The following SPATA6 variants were observed in gnomAD, a reference collection of about 807,000 sequenced individuals.
The protein encoded by SPATA6 is spermatogenesis associated 6.
A neutral mutation model predicts 65.3 loss-of-function variants in SPATA6; 56 were observed. The observed-to-expected ratio is 0.86, with a 90% CI of 0.69 to 1.07. The LOEUF is 1.07. Among genes scored for constraint, SPATA6 ranks in the 50% least tolerant of loss-of-function variants. The pLI is 0.00. For missense variants in SPATA6, 590 were observed against 594.8 expected (o/e 0.99, Z 0.08); for synonymous variants, 199 against 213.2 (o/e 0.93, Z 0.58).
At chr1:48,428,806 T>TGG (rs1654097434) in intron 3 of SPATA6, among the ~76,000 whole-genome samples, 1 of 117,656 alleles carries the variant, frequency 8.5e-6, no homozygotes, top group Non-Finnish European at 1.9e-5. Flanking sequence ...TGTGTGTGTG[T>TGG]GTGTATATGT....
intron 6 of SPATA6, chr1:48,400,895 C>T: frequency 8.7e-7 from 1 of 1,148,732 alleles, no homozygotes; most frequent in Non-Finnish European, 1.1e-6. Context: ...ATCCATTTCA[C>T]CCATCTCTGT....
In SPATA6 at chr1:48,338,760, G is replaced by A. The variant is rs532845905; in HGVS notation, c.1194+16910C>T. Among the ~76,000 whole-genome samples the A allele has an allele frequency of 2.2e-3, 329 of 152,092 alleles. 3 individuals are homozygous for A. The highest frequency in any genetic ancestry group is 3.5e-3 in the Non-Finnish European group (239 of 67,926). On this transcript the variant is annotated intron_variant, in intron 11 of 12. Coordinates refer to ENST00000371847, the MANE Select transcript of SPATA6 (RefSeq NM_019073.4). The stretch of plus-strand genomic sequence containing the variant: ...AAATTCTCAAGCTGTGCCAGGTTGG[G>A]GGTAAAATAAGCTAATCCAAAATCT...
intron 11 of SPATA6, among the ~76,000 whole-genome samples, chr1:48,306,478 T>C (rs1645065261): frequency 1.3e-5 from 2 of 151,970 alleles, no homozygotes; most frequent in Non-Finnish European, 2.9e-5. Flanking sequence ...ACATAAGAAA[T>C]AGTATTCTGA....
At chr1:48,304,206 G>A (rs2148649985) in intron 12 of SPATA6, among the ~76,000 whole-genome samples, 1 of 152,234 alleles carries the variant, frequency 6.6e-6, no homozygotes, top group South Asian at 2.1e-4. Flanking sequence ...TCTTCTGAAA[G>A]GTCTTGAAGG....
intron 5 of SPATA6, among the ~76,000 whole-genome samples, chr1:48,405,074 A>G (rs1651571026): frequency 6.6e-6 from 1 of 152,214 alleles, no homozygotes; most frequent in Non-Finnish European, 1.5e-5. Context: ...GCTAAGTTTA[A>G]AAACATCATA....
At chr1:48,441,984 T>C (rs1017193848) in intron 3 of SPATA6, among the ~76,000 whole-genome samples, 9 of 152,170 alleles carry the variant, frequency 5.9e-5, no homozygotes, top group African/African-American at 2.2e-4. Flanking sequence ...CCCTGCTACT[T>C]TTCTCCCAGA....
At chr1:48,398,511 T>G (rs1650821385) in intron 7 of SPATA6, among the ~76,000 whole-genome samples, 1 of 151,796 alleles carries the variant, frequency 6.6e-6, no homozygotes, top group South Asian at 2.1e-4. Flanking sequence ...AGAAATATTT[T>G]TATAGATATC....
intron 1 of SPATA6, among the ~76,000 whole-genome samples, chr1:48,468,825 TG>T (rs1446323592): frequency 6.6e-6 from 1 of 152,218 alleles, no homozygotes; most frequent in Non-Finnish European, 1.5e-5. Context: ...AAGTTAACTA[TG>T]GAACTCATGT....
chr1:48,413,366 T>C (rs1252801367), intron 3 of SPATA6, among the ~76,000 whole-genome samples: 3 of 150,722 alleles, frequency 2.0e-5, no homozygotes, highest in African/African-American at 7.3e-5. Flanking sequence ...CTTGGCTCAC[T>C]GCAACCTCCG....
chr1:48,399,368 G>A lies in SPATA6; in HGVS notation c.763C>T (p.Pro255Ser). ...YEFKKETDKP[P>S]FVIRHVDPPS... is the part of the protein sequence containing the mutation. ...ACACATACATGTCTAATCACAAATG[G>A]AGGTTTATCTGTTTCTTTTTTGAAC... The change falls in exon 7 of 13, where the codon CCA becomes TCA. Residue 255 changes from proline to serine, a missense_variant. By Grantham distance (74) the Pro-to-Ser change is moderately conservative (BLOSUM62 -1). Transcript: ENST00000371847. 1.2e-6 allele frequency: 2 copies of A among 1,612,422 alleles called. No individual in the cohort carries two copies. Among genetic ancestry groups the A allele is most frequent in the African/African-American group, 2.7e-5 (2 of 74,858 alleles).
intron 8 of SPATA6, among the ~76,000 whole-genome samples, chr1:48,387,408 C>A (rs1649589096): frequency 6.6e-6 from 1 of 152,200 alleles, no homozygotes; most frequent in African/African-American, 2.4e-5. Flanking sequence ...CCCAGCAGCA[C>A]TGGGGCTGAG....
chr1:48,341,915 G>A (rs1646225823), intron 11 of SPATA6, among the ~76,000 whole-genome samples: 1 of 152,116 alleles, frequency 6.6e-6, no homozygotes, highest in Non-Finnish European at 1.5e-5. Context: ...CCACTAAGGG[G>A]TCTTGGAACA....
At chr1:48,386,241 C>T (rs1649449952) in intron 8 of SPATA6, among the ~76,000 whole-genome samples, 1 of 152,158 alleles carries the variant, frequency 6.6e-6, no homozygotes, top group African/African-American at 2.4e-5. Flanking sequence ...GATTTTAAAA[C>T]TAATTCTAAA....
chr1:48,448,852 A>G (rs970973037), intron 3 of SPATA6, among the ~76,000 whole-genome samples: 1 of 152,224 alleles, frequency 6.6e-6, no homozygotes, highest in African/African-American at 2.4e-5. Context: ...AGAGACAGAA[A>G]ATACATTGGT....
chr1:48,415,727 GAGA>G (rs1304782923), intron 3 of SPATA6, among the ~76,000 whole-genome samples: 2 of 147,746 alleles, frequency 1.4e-5, no homozygotes, highest in Non-Finnish European at 1.5e-5. Flanking sequence ...ATACCAGAAA[GAGA>G]AGAAACAGAA....
intron 3 of SPATA6, chr1:48,448,026 G>A (rs1388914888): frequency 1.3e-5 from 2 of 152,044 alleles, no homozygotes; most frequent in African/African-American, 4.8e-5. Flanking sequence ...AAAAATATCT[G>A]TAATCAATCA....
intron 3 of SPATA6, among the ~76,000 whole-genome samples, chr1:48,450,009 T>G (rs543363802): frequency 6.6e-6 from 1 of 152,088 alleles, no homozygotes; most frequent in South Asian, 2.1e-4. Flanking sequence ...ACTGTTAGTG[T>G]GGGTATTATA....
At chr1:48,442,582 A>AG (rs1347320183) in intron 3 of SPATA6, among the ~76,000 whole-genome samples, 1 of 151,542 alleles carries the variant, frequency 6.6e-6, no homozygotes, top group Non-Finnish European at 1.5e-5. Flanking sequence ...AGAGACAAAG[A>AG]GGGAGTCAGA....
At position 48,376,703 on chromosome 1, in the gene SPATA6, G is replaced by A. The variant is rs868858496; in HGVS notation, c.909+8606C>T. On this transcript the variant is annotated intron_variant, in intron 9 of 12. Coordinates refer to ENST00000371847, the MANE Select transcript of SPATA6 (RefSeq NM_019073.4). ...AATGGCGATACCTTCTGAGAAATAC[G>A]TCATTAGGCGATTTTGTCACCATGC... Among the ~76,000 whole-genome samples the A allele has an allele frequency of 2.0e-4, 31 of 152,046 alleles. 1 individual carries two copies. The highest frequency in any genetic ancestry group is 6.8e-3 in the Middle Eastern group (2 of 294).
Sources: gnomAD v4.1 joint callset for allele counts (sites outside exome capture counted in the v4.1 genomes callset) on GRCh38, gnomAD v4.1.1 for gene constraint, MANE v1.5 for transcripts, NCBI Gene and HGNC (gene_info 2026-07-23, HGNC 2026-07-21) for gene names.